Variants in DSCAM observed in about 807,000 individuals in gnomAD.
DSCAM encodes cell adhesion molecule DSCAM.
Under a neutral mutation model 217.7 loss-of-function variants are expected in DSCAM, and 47 were observed. The observed-to-expected ratio is 0.22, with a 90% confidence interval of 0.17 to 0.28. The LOEUF is 0.28. DSCAM is among the 10% of genes least tolerant of loss of function. The pLI is 1.00. For synonymous variants in DSCAM, 1,056 were observed against 1,015.3 expected (o/e 1.04, Z -0.76); for missense variants, 2,080 against 2,618.3 (o/e 0.79, Z 4.49).
At chr21:40,510,755 T>C (rs189577080) in intron 3 of DSCAM, among the ~76,000 whole-genome samples, 2 of 152,322 alleles carry the variant, frequency 1.3e-5, no homozygotes, top group Admixed American at 6.5e-5. Flanking sequence ...TTCTTCCCAT[T>C]CTGAAACAAA....
intron 4 of DSCAM, among the ~76,000 whole-genome samples, chr21:40,356,639 A>G (rs988484094): frequency 2.6e-5 from 4 of 152,166 alleles, no homozygotes; most frequent in Non-Finnish European, 5.9e-5. Context: ...TAGGAGCTGC[A>G]GCAATCACTT....
At chr21:40,096,934 A>C (rs907040748) in intron 20 of DSCAM, among the ~76,000 whole-genome samples, 2 of 152,188 alleles carry the variant, frequency 1.3e-5, no homozygotes, top group Admixed American at 6.5e-5. Context: ...TTCTATATTC[A>C]ACAAATATAA....
At chr21:40,328,755 T>G (rs577381604) in intron 8 of DSCAM, among the ~76,000 whole-genome samples, 1 of 152,304 alleles carries the variant, frequency 6.6e-6, no homozygotes, top group African/African-American at 2.4e-5. Context: ...GATAAAAGGT[T>G]ACTATCCAAA....
chr21:40,056,438 A>AT (rs1568916980), intron 28 of DSCAM, among the ~76,000 whole-genome samples: 1 of 150,870 alleles, frequency 6.6e-6, no homozygotes, highest in Non-Finnish European at 1.5e-5. Context: ...TAATCTCAAA[A>AT]TTTGTGTATC....
chr21:40,505,530 G>C (rs1348263521), intron 3 of DSCAM, among the ~76,000 whole-genome samples: 1 of 152,104 alleles, frequency 6.6e-6, no homozygotes, highest in African/African-American at 2.4e-5. Context: ...CTGGTGGCTT[G>C]CTTAAACTGT....
intron 1 of DSCAM, among the ~76,000 whole-genome samples, chr21:40,758,596 T>A (rs1244917995): frequency 6.6e-6 from 1 of 151,426 alleles, no homozygotes; most frequent in Non-Finnish European, 1.5e-5. Context: ...GTGGAAAGAA[T>A]TTAGTTACAT....
chr21:40,503,802 G>A (rs1324856416), intron 3 of DSCAM, among the ~76,000 whole-genome samples: 1 of 152,182 alleles, frequency 6.6e-6, no homozygotes, highest in African/African-American at 2.4e-5. Flanking sequence ...ATTTGGTTTT[G>A]GTTTTAGTTT....
At chr21:40,777,577 C>T (rs1029358069) in intron 1 of DSCAM, among the ~76,000 whole-genome samples, 2 of 152,068 alleles carry the variant, frequency 1.3e-5, no homozygotes, top group African/African-American at 4.8e-5. Context: ...TCATCATCAT[C>T]ATTAAGAATT....
In DSCAM at chr21:40,339,404, T is replaced by C; in HGVS notation, c.1222A>G (p.Lys408Glu). 1 of 1,602,398 alleles carries C rather than the reference T, an allele frequency of 6.2e-7. No individual in the cohort carries two copies. Among genetic ancestry groups the C allele is most frequent in the Non-Finnish European group, 8.5e-7 (1 of 1,173,594 alleles). The change falls in exon 7 of 33, where the codon AAA (lysine) becomes GAA (glutamate). Residue 408 changes from lysine to glutamate, a missense_variant. This residue lies in a region of DSCAM where 568 missense variants were observed against 678.1 expected (regional missense o/e 0.84). Coordinates refer to ENST00000400454, the MANE Select transcript of DSCAM (RefSeq NM_001389.5). ...VQVVLEDGTP[K>E]IISAFSEKVV... is the part of the protein sequence containing the mutation. ...TTTTCACTAAAGGCAGAAATAATTT[T>C]GGGAGTTCCATCTGCAGGAAAACAA...
chr21:40,790,281 A>G (rs2091630221), intron 1 of DSCAM, among the ~76,000 whole-genome samples: 1 of 150,986 alleles, frequency 6.6e-6, no homozygotes, highest in African/African-American at 2.4e-5. Flanking sequence ...TCCCGGGTTC[A>G]AGCAATTCTC....
chr21:40,035,434 G>A (rs1405226707), intron 32 of DSCAM, among the ~76,000 whole-genome samples: 1 of 123,340 alleles, frequency 8.1e-6, no homozygotes, highest in Admixed American at 7.9e-5. Flanking sequence ...TTACATAATG[G>A]TAAAGGGATC....
chr21:40,510,452 T>C (rs1157883931), intron 3 of DSCAM, among the ~76,000 whole-genome samples: 1 of 152,184 alleles, frequency 6.6e-6, no homozygotes, highest in Non-Finnish European at 1.5e-5. Flanking sequence ...ATTAAGACTG[T>C]TGAGGTTTGA....
At chr21:40,761,190 C>T (rs763307419) in intron 1 of DSCAM, among the ~76,000 whole-genome samples, 3 of 152,200 alleles carry the variant, frequency 2.0e-5, no homozygotes, top group Non-Finnish European at 2.9e-5. Context: ...TGGCTCATCA[C>T]GAAGATGCAG....
Position 40,078,630 on chromosome 21 carries a change from C to T in DSCAM, c.4711+57G>A. The T allele has an allele frequency of 7.0e-6, 11 of 1,573,794 alleles. 1 individual carries two copies. The Middle Eastern group carries it at 1.3e-3, about 192-fold the overall frequency. ...GATGTTCGATGGGAAAGGGGCAGGG[C>T]CCACGTGCACATCCCCCAAGACACA... On this transcript the variant is annotated intron_variant, in intron 26 of 32. Transcript: ENST00000400454.
intron 3 of DSCAM, among the ~76,000 whole-genome samples, chr21:40,501,278 G>C (rs2076168471): frequency 6.6e-6 from 1 of 152,032 alleles, no homozygotes; most frequent in South Asian, 2.1e-4. Context: ...TCACCTCTTT[G>C]TATATTAAAA....
At chr21:40,559,972 T>C (rs2076706691) in intron 3 of DSCAM, among the ~76,000 whole-genome samples, 1 of 152,094 alleles carries the variant, frequency 6.6e-6, no homozygotes. Context: ...TTTTTGTATT[T>C]TTAGTAGAGA....
chr21:40,434,913 C>T (rs909485666), intron 3 of DSCAM, among the ~76,000 whole-genome samples: 2 of 152,156 alleles, frequency 1.3e-5, no homozygotes, highest in Non-Finnish European at 2.9e-5. Flanking sequence ...CACAATTAGC[C>T]TTGTTTGTTG....
At chr21:40,190,197 GAAGTCT>G (rs1477333584) in intron 11 of DSCAM, among the ~76,000 whole-genome samples, 1 of 152,094 alleles carries the variant, frequency 6.6e-6, no homozygotes, top group Non-Finnish European at 1.5e-5. Context: ...AAAATTAAAA[GAAGTCT>G]AATACATAGA....
intron 3 of DSCAM, among the ~76,000 whole-genome samples, chr21:40,458,435 C>T (rs1002435478): frequency 3.3e-5 from 5 of 152,006 alleles, no homozygotes; most frequent in African/African-American, 1.2e-4. Context: ...GCTCAGGAGA[C>T]ATTTTAAGTC....
Sources: allele counts gnomAD v4.1 joint callset (sites outside exome capture counted in the v4.1 genomes callset), GRCh38; gene constraint gnomAD v4.1.1; regional missense constraint gnomAD v4.1.1; transcripts MANE v1.5; gene names NCBI Gene and HGNC (gene_info 2026-07-23, HGNC 2026-07-21).